Variants in ZNF568 observed in about 807,000 individuals in gnomAD.
ZNF568 encodes the protein p53 inhibitor of SCO2 activation.
ZNF568 carries 11 observed loss-of-function variants against 18.1 expected under a neutral mutation model. The observed-to-expected ratio is 0.61, with a 90% CI of 0.38 to 1.00. ZNF568 has a LOEUF of 1.00. ZNF568 is among the 50% of genes least tolerant of loss of function. The pLI is 0.01. For synonymous variants in ZNF568, 213 were observed against 246.6 expected, an observed-to-expected ratio of 0.86 and a Z score of 1.28; for missense variants, 639 against 768.2, an observed-to-expected ratio of 0.83 and a Z score of 1.99.
chr19:36,927,860 G>GTGTATATA (rs1364337024), intron 4 of ZNF568, among the ~76,000 whole-genome samples: 1 of 32,128 alleles, frequency 3.1e-5, no homozygotes, highest in African/African-American at 1.8e-4. Flanking sequence ...GTGTGTGTGT[G>GTGTATATA]TATATATATA....
chr19:36,984,378 C>A (rs1166040339), downstream of ZNF568, among the ~76,000 whole-genome samples: 2 of 151,974 alleles, frequency 1.3e-5, no homozygotes, highest in African/African-American at 4.8e-5. Flanking sequence ...TTAGTGGTTA[C>A]CTTGAAAATT....
chr19:36,946,711 G>A (rs2073972180), intron 6 of ZNF568, among the ~76,000 whole-genome samples: 1 of 137,052 alleles, frequency 7.3e-6, no homozygotes, highest in Non-Finnish European at 1.5e-5. Context: ...GGAGTGCAAA[G>A]TTGCAATCTC....
chr19:36,990,353 G>C (rs2146348314), intron 2 of ZNF568, among the ~76,000 whole-genome samples: 1 of 152,298 alleles, frequency 6.6e-6, no homozygotes, highest in South Asian at 2.1e-4. Context: ...GGTGGCTCAT[G>C]CCTGTAATCC....
At chr19:36,957,693 A>T (rs2074118280), downstream of ZNF568, among the ~76,000 whole-genome samples, 2 of 152,200 alleles carry the variant, frequency 1.3e-5, no homozygotes, top group Admixed American at 1.3e-4. Context: ...ATGGATAAGG[A>T]AAATGTTAAA....
rs2146259875 is a variant in ZNF568, at chr19:36,917,646, T to C, written c.-188T>C. 6.6e-6 allele frequency: 1 copy of C among 152,394 alleles called. No homozygotes were observed. The highest frequency in any genetic ancestry group is 2.4e-5 in the African/African-American group (1 of 41,604). 9.4% of individuals were successfully genotyped at this position (152,394 alleles called of 1,614,324 possible). A position where few individuals can be genotyped will look rare whatever the true frequency, so the allele number is the denominator to read the frequency against. The stretch of plus-strand genomic sequence containing the variant: ...TTATCTTGTTTGACTGTTATTTTAA[T>C]AGGTGAGTATAGTTCAGTGGCATTT... On this transcript the variant is annotated splice_region_variant and 5_prime_UTR_variant, in exon 2 of 7. Coordinates refer to ENST00000333987, the MANE Select transcript of ZNF568 (RefSeq NM_198539.4).
intron 3 of ZNF568, 149 bp downstream of exon 3, chr19:36,922,995 G>C: frequency 1.6e-6 from 1 of 629,468 alleles, no homozygotes; most frequent in Non-Finnish European, 2.7e-6. Flanking sequence ...ATATTCATTT[G>C]ACTATTTGAT....
At chr19:36,917,137 C>T (rs1275802468) in intron 1 of ZNF568, among the ~76,000 whole-genome samples, 1 of 152,194 alleles carries the variant, frequency 6.6e-6, no homozygotes. Context: ...CAGGCTTGCG[C>T]ATTGACTGTG....
At chr19:36,922,964 G>A in intron 3 of ZNF568, 118 bp downstream of exon 3, 1 of 749,278 alleles carries the variant, frequency 1.3e-6, no homozygotes, top group Non-Finnish European at 2.1e-6. Context: ...GACTAGGCAG[G>A]GGAGACATTT....
At chr19:36,959,513 T>A (rs1196156686) in intron 6 of ZNF568, among the ~76,000 whole-genome samples, 2 of 152,192 alleles carry the variant, frequency 1.3e-5, no homozygotes. Context: ...AATAGGATGA[T>A]CCTGGCCTTG....
chr19:36,936,708 T>C, intron 4 of ZNF568, 38 bp from the exon 5 acceptor site: 3 of 1,590,802 alleles, frequency 1.9e-6, no homozygotes, highest in Non-Finnish European at 1.7e-6. Context: ...ATGCCTAATT[T>C]TGATGACTTC....
chr19:36,986,007 TC>T (rs2146344878), intron 2 of ZNF568, among the ~76,000 whole-genome samples: 1 of 152,306 alleles, frequency 6.6e-6, no homozygotes, highest in South Asian at 2.1e-4. Flanking sequence ...TGAAGGTTGT[TC>T]CTCTAGGGCA....
chr19:36,924,320 G>C (rs2146269782), intron 3 of ZNF568, among the ~76,000 whole-genome samples: 1 of 151,798 alleles, frequency 6.6e-6, no homozygotes, highest in Non-Finnish European at 1.5e-5. Flanking sequence ...CCGGGTTCAA[G>C]CGATTCTCCT....
chr19:36,921,631 A>AT (rs567591206), intron 2 of ZNF568, among the ~76,000 whole-genome samples: 3,248 of 149,480 alleles, frequency 0.022, 54 homozygotes, highest in Middle Eastern at 0.052. Context: ...TGTTACATAT[A>AT]TTTTTTTTTT....
exon 5 of ZNF568, chr19:36,997,048 T>C (rs1408657854): frequency 6.4e-7 from 1 of 1,565,040 alleles, no homozygotes; most frequent in East Asian, 2.3e-5. Flanking sequence ...ACCCCATAAA[T>C]GTAAGGAATG....
At chr19:36,938,942 C>T (rs1292589148) in intron 6 of ZNF568, among the ~76,000 whole-genome samples, 4 of 152,082 alleles carry the variant, frequency 2.6e-5, no homozygotes, top group Non-Finnish European at 5.9e-5. Flanking sequence ...ATTTCATGCT[C>T]GTTTCTTTTG....
chr19:36,997,320 C>T, downstream of ZNF568: 1 of 1,600,928 alleles, frequency 6.2e-7, no homozygotes, highest in Non-Finnish European at 8.5e-7. Flanking sequence ...GTGGGAAGTC[C>T]TTTCGTCGTG....
intron 6 of ZNF568, among the ~76,000 whole-genome samples, chr19:36,942,855 T>G (rs191744830): frequency 5.6e-4 from 86 of 152,310 alleles, no homozygotes; most frequent in South Asian, 3.5e-3. Flanking sequence ...AATAATTTCT[T>G]ACTATCATCT....
intron 4 of ZNF568, chr19:36,931,572 T>C (rs1390549079): frequency 6.6e-6 from 1 of 152,042 alleles, no homozygotes; most frequent in Non-Finnish European, 1.5e-5. Flanking sequence ...CTCACTATGT[T>C]ACCAAGGCTG....
rs984837117 is a variant in ZNF568, at chr19:36,951,769, G to A, written c.*681G>A. The stretch of plus-strand genomic sequence containing the variant: ...CAGCTCACTGCAGCCTCTGCTTTCC[G>A]GGTTTTTTTGTTTTGTTTTGTTTTG... On this transcript the variant is annotated 3_prime_UTR_variant, in exon 7 of 7. Coordinates refer to ENST00000333987, the MANE Select transcript of ZNF568 (RefSeq NM_198539.4). 9 of 192,668 alleles carry A rather than the reference G, an allele frequency of 4.7e-5. No homozygotes were observed. The highest frequency in any genetic ancestry group is 8.2e-5 in the Non-Finnish European group (9 of 109,598). The allele number at this position is 192,668 out of a possible 1,614,324, so 11.9% of individuals were successfully genotyped here. A position where few individuals can be genotyped will look rare whatever the true frequency, so the allele number is the denominator to read the frequency against.
Sources: allele counts gnomAD v4.1 joint callset (sites outside exome capture counted in the v4.1 genomes callset), GRCh38; gene constraint gnomAD v4.1.1; transcripts MANE v1.5; gene names NCBI Gene and HGNC (gene_info 2026-07-23, HGNC 2026-07-21).